The following DENND4A variants were observed in gnomAD, a reference collection of about 807,000 sequenced individuals.
DENND4A encodes the protein DENN domain containing 4A.
Under a neutral mutation model 199.3 loss-of-function variants are expected in DENND4A, and 70 were observed. The observed-to-expected ratio is 0.35, with a 90% confidence interval of 0.29 to 0.43. The LOEUF is 0.43. Ranked by LOEUF, DENND4A falls within the 20% of genes least tolerant of loss-of-function variation. The pLI is 1.00. For synonymous variants in DENND4A, 686 were observed against 766.9 expected (o/e 0.89, Z 1.74); for missense variants, 1,723 against 2,255.8 (o/e 0.76, Z 4.78).
intron 23 of DENND4A, among the ~76,000 whole-genome samples, chr15:65,688,201 TCA>T (rs775480334): frequency 2.9e-4 from 44 of 152,362 alleles, no homozygotes; most frequent in Non-Finnish European, 5.9e-4. Context: ...GGATTATATT[TCA>T]GTTATAAAAT....
intron 12 of DENND4A, among the ~76,000 whole-genome samples, chr15:65,718,523 C>T (rs1293825410): frequency 3.9e-5 from 6 of 151,910 alleles, no homozygotes; most frequent in Admixed American, 2.6e-4. Context: ...GTCATCTATA[C>T]CTCCCACACC....
In DENND4A at chr15:65,661,662, A is replaced by G; in HGVS notation, c.*189T>C. 1 of 423,962 alleles carries G rather than the reference A, an allele frequency of 2.4e-6. No individual in the cohort carries two copies. The highest frequency in any genetic ancestry group is 4.1e-6 in the Non-Finnish European group (1 of 245,154). 26.3% of individuals were successfully genotyped at this position (423,962 alleles called of 1,614,324 possible). ...GAAGAAGAAAAAAGAAATGAGAAACAAAGTGGCTTTCTCCCCACTTGTCAC... is the reference window on the plus strand; with the variant it reads ...GAAGAAGAAAAAAGAAATGAGAAACGAAGTGGCTTTCTCCCCACTTGTCAC... On this transcript the variant is annotated 3_prime_UTR_variant, in exon 33 of 33. Coordinates refer to ENST00000443035, the MANE Select transcript of DENND4A (RefSeq NM_001320835.1).
intron 13 of DENND4A, among the ~76,000 whole-genome samples, chr15:65,716,816 G>A (rs946196568): frequency 2.4e-4 from 36 of 151,704 alleles, no homozygotes; most frequent in African/African-American, 8.5e-4. Context: ...CTGAGGAATC[G>A]CCACACTGAC....
intron 14 of DENND4A, among the ~76,000 whole-genome samples, chr15:65,712,075 A>T (rs1453775651): frequency 6.6e-6 from 1 of 152,270 alleles, no homozygotes; most frequent in Non-Finnish European, 1.5e-5. Context: ...AATTTTAAGC[A>T]GGTAATGGCA....
At position 65,715,639 on chromosome 15, in the gene DENND4A, A is replaced by G; in HGVS notation, c.1808-16T>C. On this transcript the variant is annotated splice_polypyrimidine_tract_variant and intron_variant, in intron 13 of 32. Coordinates refer to ENST00000443035, the MANE Select transcript of DENND4A (RefSeq NM_001320835.1). ...CTTAAGAAAGCTGTTCAACAAAAAT[A>G]TATAATGTCAGAATACATAATATCA... is the stretch of plus-strand genomic sequence containing the variant. The G allele has an allele frequency of 1.3e-6, 2 of 1,527,586 alleles. No individual in the cohort carries two copies. Among genetic ancestry groups the G allele is most frequent in the Non-Finnish European group, 1.8e-6 (2 of 1,140,938 alleles). 94.6% of individuals were successfully genotyped at this position (1,527,586 alleles called of 1,614,324 possible).
intron 7 of DENND4A, among the ~76,000 whole-genome samples, chr15:65,737,111 G>A (rs143338735): frequency 0.032 from 4,856 of 152,094 alleles, 110 homozygotes; most frequent in Middle Eastern, 0.071. Context: ...CACCCAGGCT[G>A]GAGTGTAGTG....
chr15:65,681,323 T>A (rs973662059), intron 23 of DENND4A: 12 of 152,242 alleles, frequency 7.9e-5, no homozygotes, highest in African/African-American at 2.9e-4. Context: ...TCCTGTGAAT[T>A]ATGAATGCCA....
intron 23 of DENND4A, among the ~76,000 whole-genome samples, chr15:65,680,191 CA>C (rs540087911): frequency 7.0e-4 from 106 of 152,332 alleles, no homozygotes; most frequent in African/African-American, 2.5e-3. Flanking sequence ...GCTTCATTCA[CA>C]AGAACAGTTC....
chr15:65,683,925 G>T lies in DENND4A; in HGVS notation c.4179+6490C>A, dbSNP rs563408648. ...AACACCAGGCAACCACTAATATACT[G>T]TGTCTACAGATTTGCCTTTTCTGGA... On this transcript the variant is annotated intron_variant, in intron 23 of 32. Transcript: ENST00000443035. Among the ~76,000 whole-genome samples, 4 of 152,224 alleles carry T rather than the reference G, an allele frequency of 2.6e-5. No individual in the cohort carries two copies. In the South Asian group the frequency reaches 8.3e-4, roughly 32 times the overall value.
chr15:65,707,348 G>A (rs1157582935), intron 14 of DENND4A, among the ~76,000 whole-genome samples: 1 of 152,144 alleles, frequency 6.6e-6, no homozygotes, highest in Non-Finnish European at 1.5e-5. Context: ...CACATACCAT[G>A]TGGATTAAGT....
intron 1 of DENND4A, chr15:65,772,163 T>C: frequency 1.4e-6 from 1 of 710,334 alleles, no homozygotes; most frequent in Middle Eastern, 2.4e-4. Flanking sequence ...TCGATTTTAT[T>C]TTCAATTACA....
intron 1 of DENND4A, among the ~76,000 whole-genome samples, chr15:65,778,452 T>TAAA (rs565036538): frequency 1.0e-4 from 9 of 89,638 alleles, no homozygotes; most frequent in Non-Finnish European, 1.7e-4. Context: ...TACAGTGACC[T>TAAA]AAAAAAAAAA....
intron 14 of DENND4A, 55 bp from the exon 15 acceptor site, chr15:65,706,279 T>C (rs768750251): frequency 1.8e-4 from 254 of 1,414,334 alleles, no homozygotes; most frequent in Non-Finnish European, 2.3e-4. Flanking sequence ...AGCCAAGTGT[T>C]CATATAAAGG....
chr15:65,680,114 T>C (rs948051932), intron 23 of DENND4A, among the ~76,000 whole-genome samples: 4 of 152,202 alleles, frequency 2.6e-5, no homozygotes, highest in Non-Finnish European at 5.9e-5. Flanking sequence ...AGCCTAACTA[T>C]TCCTTAAGTA....
chr15:65,733,105 C>G (rs1486367271), intron 7 of DENND4A, among the ~76,000 whole-genome samples: 1 of 152,178 alleles, frequency 6.6e-6, no homozygotes, highest in Non-Finnish European at 1.5e-5. Flanking sequence ...TGCAATATAT[C>G]AGTGATGTGG....
chr15:65,663,331 G>A (rs8032229), intron 32 of DENND4A, among the ~76,000 whole-genome samples: 52 of 150,760 alleles, frequency 3.4e-4, no homozygotes, highest in African/African-American at 1.1e-3. Flanking sequence ...TGCCTCAGGC[G>A]CCTGAGTAGC....
intron 12 of DENND4A, among the ~76,000 whole-genome samples, chr15:65,718,999 C>T (rs909565425): frequency 2.3e-4 from 35 of 151,344 alleles, no homozygotes; most frequent in Admixed American, 1.1e-3. Flanking sequence ...AGGCTAGTCT[C>T]GAACTCCTGA....
At chr15:65,738,621 GT>G in intron 6 of DENND4A, 84 bp downstream of exon 6, 3 of 1,185,540 alleles carry the variant, frequency 2.5e-6, no homozygotes, top group Non-Finnish European at 1.2e-6. Context: ...AATTTAATCA[GT>G]TTTTCCCCTA....
chr15:65,715,699 A>T, intron 13 of DENND4A, 76 bp from the exon 14 acceptor site: 1 of 1,392,744 alleles, frequency 7.2e-7, no homozygotes, highest in Non-Finnish European at 9.6e-7. Context: ...ACTAGAAAGA[A>T]TCTGAACAAC....
Sources: gnomAD v4.1 joint callset for allele counts (sites outside exome capture counted in the v4.1 genomes callset) on GRCh38, gnomAD v4.1.1 for gene constraint, MANE v1.5 for transcripts, NCBI Gene and HGNC (gene_info 2026-07-23, HGNC 2026-07-21) for gene names.